Variants in ATG10 observed in about 807,000 individuals in gnomAD.
ATG10 encodes ubiquitin-like-conjugating enzyme ATG10.
Under a neutral mutation model 32.1 loss-of-function variants are expected in ATG10, and 30 were observed. That is an observed-to-expected ratio of 0.94 (90% confidence interval 0.70 to 1.27). The LOEUF (loss-of-function observed/expected upper bound fraction) is 1.27. Among genes scored for constraint, ATG10 ranks in the 50% most tolerant of loss-of-function variants. ATG10 has a pLI of 0.00. For missense variants in ATG10, 233 were observed against 262.3 expected (o/e 0.89, Z 0.77); for synonymous variants, 87 against 91.5 (o/e 0.95, Z 0.28).
chr5:81,985,331 G>A (rs944509684), intron 1 of ATG10, among the ~76,000 whole-genome samples: 19 of 152,152 alleles, frequency 1.2e-4, no homozygotes, highest in African/African-American at 4.6e-4. Flanking sequence ...CACCATATTA[G>A]TCTTCTCTTG....
At chr5:82,231,775 A>G (rs1167645692) in intron 5 of ATG10, among the ~76,000 whole-genome samples, 1 of 152,234 alleles carries the variant, frequency 6.6e-6, no homozygotes, top group African/African-American at 2.4e-5. Context: ...GCTTCTGGGT[A>G]TAAAAGGAAT....
chr5:82,047,883 T>C (rs1232750800), intron 2 of ATG10, among the ~76,000 whole-genome samples: 1 of 152,198 alleles, frequency 6.6e-6, no homozygotes, highest in Non-Finnish European at 1.5e-5. Context: ...CCACCTTGAA[T>C]TGATTTTTGT....
intron 1 of ATG10, among the ~76,000 whole-genome samples, chr5:81,974,570 T>C (rs1760816636): frequency 2.6e-5 from 4 of 152,190 alleles, no homozygotes; most frequent in Admixed American, 2.6e-4. Context: ...CTATTGCCAA[T>C]TGTTTTAAAT....
intron 3 of ATG10, among the ~76,000 whole-genome samples, chr5:82,105,669 A>C (rs1765426402): frequency 6.6e-6 from 1 of 151,820 alleles, no homozygotes; most frequent in Non-Finnish European, 1.5e-5. Flanking sequence ...CTGTACTCTG[A>C]CTCTTTTCTC....
intron 3 of ATG10, chr5:82,078,701 G>A (rs1413037301): frequency 2.0e-5 from 3 of 152,216 alleles, no homozygotes; most frequent in Admixed American, 2.0e-4. Flanking sequence ...TCCAGCCTGG[G>A]TGACATAGTG....
chr5:82,143,789 TAC>T (rs1025340996), intron 3 of ATG10, among the ~76,000 whole-genome samples: 16 of 152,212 alleles, frequency 1.1e-4, no homozygotes, highest in African/African-American at 3.6e-4. Flanking sequence ...GATATTGACT[TAC>T]AGTTTTCTTT....
intron 3 of ATG10, among the ~76,000 whole-genome samples, chr5:82,068,566 T>C (rs1399269051): frequency 2.0e-5 from 3 of 150,218 alleles, no homozygotes; most frequent in Non-Finnish European, 3.0e-5. Flanking sequence ...ATAATTCTTA[T>C]CTGAAAAAAA....
At chr5:82,117,970 A>G (rs1765874697) in intron 3 of ATG10, among the ~76,000 whole-genome samples, 2 of 152,088 alleles carry the variant, frequency 1.3e-5, no homozygotes, top group African/African-American at 4.8e-5. Flanking sequence ...TTGGGCCATA[A>G]GAGGAGATGT....
At chr5:82,094,795 A>G (rs1434717261) in intron 3 of ATG10, among the ~76,000 whole-genome samples, 1 of 152,132 alleles carries the variant, frequency 6.6e-6, no homozygotes, top group African/African-American at 2.4e-5. Context: ...ATGCATATAC[A>G]TTGAGTATAC....
Position 82,116,313 on chromosome 5 carries a change from T to A in ATG10, c.217-48086T>A, listed in dbSNP as rs553798432. Reference sequence around the variant, plus strand: ...AGAAGATTTTGAGAGAATGAGCAGATAATAATTATGATTATTCAAGTAATA... The same window carrying A: ...AGAAGATTTTGAGAGAATGAGCAGAAAATAATTATGATTATTCAAGTAATA... On this transcript the variant is annotated intron_variant, in intron 3 of 7. Transcript: ENST00000282185. Among the ~76,000 whole-genome samples, 8 of 152,232 alleles carry A rather than the reference T, an allele frequency of 5.3e-5. 1 individual carries two copies. The South Asian group carries it at 1.7e-3, about 32-fold the overall frequency.
chr5:82,055,175 G>A (rs2149745349), intron 2 of ATG10, among the ~76,000 whole-genome samples: 1 of 151,962 alleles, frequency 6.6e-6, no homozygotes, highest in South Asian at 2.1e-4. Flanking sequence ...TCTTTAAAGG[G>A]AAATCAAAAT....
intron 3 of ATG10, among the ~76,000 whole-genome samples, chr5:82,144,800 T>G (rs1431775490): frequency 6.6e-6 from 1 of 152,060 alleles, no homozygotes; most frequent in Non-Finnish European, 1.5e-5. Flanking sequence ...AGGGTACTAT[T>G]TTATAAATGT....
At chr5:82,095,820 C>T (rs1765038623) in intron 3 of ATG10, among the ~76,000 whole-genome samples, 1 of 152,108 alleles carries the variant, frequency 6.6e-6, no homozygotes. Context: ...CACCCCTTTA[C>T]TCCTAGGGAT....
At chr5:82,200,129 T>G (rs955751215) in intron 5 of ATG10, among the ~76,000 whole-genome samples, 3 of 152,120 alleles carry the variant, frequency 2.0e-5, no homozygotes, top group African/African-American at 7.2e-5. Flanking sequence ...GACGTAAGTT[T>G]TCATTTCTCT....
chr5:82,093,132 T>C (rs1343508953), intron 3 of ATG10, among the ~76,000 whole-genome samples: 3 of 152,144 alleles, frequency 2.0e-5, no homozygotes, highest in Non-Finnish European at 4.4e-5. Flanking sequence ...GTTTTCTTCA[T>C]ATTTCTTGTT....
intron 1 of ATG10, among the ~76,000 whole-genome samples, chr5:81,982,419 T>C (rs1761076039): frequency 6.6e-6 from 1 of 152,098 alleles, no homozygotes; most frequent in African/African-American, 2.4e-5. Context: ...TGAACCGATA[T>C]CATGCCACTG....
chr5:81,993,360 C>CTTCTTTCTT lies in ATG10; in HGVS notation c.108+5688_108+5689insCTTTTCTTT, dbSNP rs1389776064. The stretch of plus-strand genomic sequence containing the variant: ...CCTTCTTTCTTTCTTTCTTTCTTTC[C>CTTCTTTCTT]TTCTTTTCTTTTCTTTTCTTTTCTT... On this transcript the variant is annotated intron_variant, in intron 2 of 7. Coordinates refer to ENST00000282185, the MANE Select transcript of ATG10 (RefSeq NM_031482.5). 8.7e-3 allele frequency among the ~76,000 whole-genome samples: 408 copies of CTTCTTTCTT among 46,768 alleles called. 36 individuals are homozygous for CTTCTTTCTT. Among genetic ancestry groups the CTTCTTTCTT allele is most frequent in the Middle Eastern group, 0.023 (2 of 88 alleles). The allele number at this position is 46,768 out of a possible 152,430, so 30.7% of individuals were successfully genotyped here.
chr5:82,161,889 A>AT lies in ATG10; in HGVS notation c.217-2509dup, dbSNP rs139991220. On this transcript the variant is annotated intron_variant, in intron 3 of 7. Transcript: ENST00000282185. ...CGTGTATATAGTAAAGAAATTTAAC[A>AT]TCTTTATAATTTGTAAGACTGAGGT... 4.9e-3 allele frequency among the ~76,000 whole-genome samples: 751 copies of AT among 152,254 alleles called. 16 individuals carry two copies. The highest frequency in any genetic ancestry group is 0.032 in the Admixed American group (485 of 15,288).
intron 3 of ATG10, among the ~76,000 whole-genome samples, chr5:82,118,400 A>ATATATATAT (rs371581160): frequency 1.1e-4 from 13 of 115,838 alleles, no homozygotes; most frequent in Non-Finnish European, 1.9e-4. Flanking sequence ...ATATATATAT[A>ATATATATAT]TATATGTATG....
Sources: allele counts gnomAD v4.1 joint callset (sites outside exome capture counted in the v4.1 genomes callset), GRCh38; gene constraint gnomAD v4.1.1; transcripts MANE v1.5; gene names NCBI Gene and HGNC (gene_info 2026-07-23, HGNC 2026-07-21).